CHD8: variants seen among roughly 807,000 people sequenced by gnomAD.
CHD8 encodes ATP-dependent chromatin remodeler CHD8.
A neutral mutation model predicts 279.2 loss-of-function variants in CHD8; 31 were observed. That is an observed-to-expected ratio of 0.11 (90% CI 0.08 to 0.15). The LOEUF (loss-of-function observed/expected upper bound fraction) is 0.15. CHD8 is among the 10% of genes least tolerant of loss of function. The probability of loss-of-function intolerance (pLI) is 1.00; values close to 1 mark genes in which losing one functional copy is unlikely to be tolerated. For synonymous variants in CHD8, 1,081 were observed against 1,139.6 expected, an observed-to-expected ratio of 0.95 and a Z score of 1.04; for missense variants, 2,146 against 3,230.5, an observed-to-expected ratio of 0.66 and a Z score of 8.14.
intron 33 of CHD8, 31 bp downstream of exon 33, chr14:21,393,075 C>T (rs758559976): frequency 1.2e-6 from 2 of 1,606,680 alleles, no homozygotes; most frequent in Admixed American, 1.7e-5. Flanking sequence ...TTTCTGGACT[C>T]TACATGTCCA....
At chr14:21,448,815 G>A (rs1395802685) in intron 1 of CHD8, among the ~76,000 whole-genome samples, 3 of 149,826 alleles carry the variant, frequency 2.0e-5, no homozygotes, top group African/African-American at 4.9e-5. Flanking sequence ...CACCCGCCTC[G>A]CCCTCCCAAA....
At chr14:21,434,338 G>A (rs1390580296) in intron 1 of CHD8, among the ~76,000 whole-genome samples, 3 of 152,244 alleles carry the variant, frequency 2.0e-5, no homozygotes, top group South Asian at 4.1e-4. Context: ...GAGCCACCAC[G>A]CTGAAAGTTT....
Position 21,390,956 on chromosome 14 carries a change from A to G in CHD8, c.7173T>C (p.Asn2391=). The G allele has an allele frequency of 6.3e-7, 1 of 1,579,130 alleles. No individual in the cohort carries two copies. The highest frequency in any genetic ancestry group is 8.7e-7 in the Non-Finnish European group (1 of 1,154,016). ...MEPVQTANSR[N]GKKGHHTETV... ...CTGCAATTTCTCTCACCTTTTTCCC[A>G]TTTCTAGAGTTAGCTGTCTGTACTG... The change falls in exon 37 of 38, where the codon AAT becomes AAC. Residue 2391 remains asparagine, a synonymous_variant. Transcript: ENST00000646647.
At chr14:21,435,971 G>A (rs1208895704) in intron 1 of CHD8, among the ~76,000 whole-genome samples, 1 of 152,204 alleles carries the variant, frequency 6.6e-6, no homozygotes, top group Non-Finnish European at 1.5e-5. Context: ...CACTGCAAGA[G>A]ATTAGTTCTG....
chr14:21,438,512 TAAAAAAA>T (rs559681631), intron 1 of CHD8, among the ~76,000 whole-genome samples: 2 of 112,508 alleles, frequency 1.8e-5, no homozygotes, highest in African/African-American at 6.9e-5. Context: ...CCTAGTCTCT[TAAAAAAA>T]AAAAAAAAAA....
At chr14:21,387,296 G>C (rs1402381488) in intron 37 of CHD8, among the ~76,000 whole-genome samples, 2 of 150,728 alleles carry the variant, frequency 1.3e-5, no homozygotes, top group African/African-American at 4.9e-5. Flanking sequence ...GACCACCCTG[G>C]CCAACATAGC....
intron 37 of CHD8, among the ~76,000 whole-genome samples, chr14:21,388,744 A>G (rs1887393474): frequency 6.6e-6 from 1 of 152,020 alleles, no homozygotes; most frequent in Non-Finnish European, 1.5e-5. Context: ...TCAGCCTCCC[A>G]AAGTGCTGGG....
rs1282548443 is a variant in CHD8 at position 21,400,713 on chromosome 14, A to C, written c.4371-101T>G. Reference sequence around the variant, plus strand: ...AAGGTGTGAAACAAAGATCTTAAAAAACATGGTAACAGAATAAACAGAACA... The same window carrying C: ...AAGGTGTGAAACAAAGATCTTAAAACACATGGTAACAGAATAAACAGAACA... On this transcript the variant is annotated intron_variant, in intron 22 of 37. Coordinates refer to ENST00000646647, the MANE Select transcript of CHD8 (RefSeq NM_001170629.2). The surrounding 1 kb of genome is among the most constrained non-coding windows in gnomAD (Gnocchi z 4.2). The C allele has an allele frequency of 1.5e-6, 2 of 1,298,332 alleles. No individual in the cohort carries two copies. The highest frequency in any genetic ancestry group is 2.1e-6 in the Non-Finnish European group (2 of 959,636). The allele number at this position is 1,298,332 out of a possible 1,614,324, so 80.4% of individuals were successfully genotyped here.
At position 21,428,951 on chromosome 14, in the gene CHD8, G is replaced by A; in HGVS notation, c.1215+13C>T. On this transcript the variant is annotated intron_variant, in intron 3 of 37. Coordinates refer to ENST00000646647, the MANE Select transcript of CHD8 (RefSeq NM_001170629.2). The stretch of plus-strand genomic sequence containing the variant: ...TTGTTTTCTTTCTTTTCCTTACTAT[G>A]TAAGTCTCTCACCTGTGGCTGCAGT... The A allele has an allele frequency of 1.2e-6, 2 of 1,613,648 alleles. No individual in the cohort carries two copies. The highest frequency in any genetic ancestry group is 2.2e-5 in the East Asian group (1 of 44,884).
At chr14:21,387,706 T>C (rs1887324223) in intron 37 of CHD8, among the ~76,000 whole-genome samples, 1 of 147,778 alleles carries the variant, frequency 6.8e-6, no homozygotes, top group Non-Finnish European at 1.5e-5. Context: ...CTCAGGAGGC[T>C]GAGGCAGGAG....
chr14:21,423,270 T>C (rs1181956084), intron 5 of CHD8, among the ~76,000 whole-genome samples: 2 of 152,122 alleles, frequency 1.3e-5, no homozygotes, highest in Non-Finnish European at 2.9e-5. Flanking sequence ...TTCTAAAGGC[T>C]GGTAAGTCCA....
At chr14:21,453,692 T>C (rs2139578656) in intron 1 of CHD8, among the ~76,000 whole-genome samples, 1 of 151,930 alleles carries the variant, frequency 6.6e-6, no homozygotes, top group African/African-American at 2.4e-5. Flanking sequence ...TCCCAAGTAT[T>C]AGGCTCAATG....
In CHD8 at chr14:21,385,879, G is replaced by A; in HGVS notation, c.7480C>T (p.His2494Tyr). The change falls in exon 38 of 38, where the codon CAC (histidine) becomes TAC (tyrosine). Residue 2494 changes from histidine to tyrosine, a missense_variant. Physicochemically the swap from His to Tyr is moderately conservative, Grantham distance 83 (BLOSUM62 2). Coordinates refer to ENST00000646647, the MANE Select transcript of CHD8 (RefSeq NM_001170629.2). ...TGGGGGTGGGGGTGGTGGTGGTGGT[G>A]ATGAAGCATGGTGCTGGAGTCTACA... ...PHVDSSTMLH[H>Y]HHHHPHPHHH... The A allele has an allele frequency of 6.4e-7, 1 of 1,550,940 alleles. No individual in the cohort carries two copies. The highest frequency in any genetic ancestry group is 8.7e-7 in the Non-Finnish European group (1 of 1,147,016).
chr14:21,422,015 T>C (rs993769764), intron 5 of CHD8, among the ~76,000 whole-genome samples: 1 of 152,142 alleles, frequency 6.6e-6, no homozygotes, highest in African/African-American at 2.4e-5. Flanking sequence ...GACCATTTGA[T>C]CTTGGATTTC....
At position 21,393,673 on chromosome 14, in the gene CHD8, T is replaced by C. The variant is rs1887646970; in HGVS notation, c.6122A>G (p.Tyr2041Cys). 3 of 1,613,970 alleles carry C rather than the reference T, an allele frequency of 1.9e-6. No individual in the cohort carries two copies. Among genetic ancestry groups the C allele is most frequent in the Non-Finnish European group, 2.5e-6 (3 of 1,179,874 alleles). ...ATCAGAGGGGGATACTCGCATCTCA[T>C]AGTCTTGTGGGGTTGGTCGGCTCCT... Reference protein sequence around the residue: ...VARSRPTPQDYEMRVSPSDTT... With the variant: ...VARSRPTPQDCEMRVSPSDTT... Residue 2041 changes from tyrosine to cysteine, a missense_variant, in exon 32 of 38, where the codon TAT becomes TGT. By Grantham distance (194) the Tyr-to-Cys change is radical. Around this residue, in one of 26 missense-constraint regions of CHD8, gnomAD observed 513 missense variants for 637.6 expected, o/e 0.80. Transcript: ENST00000646647.
chr14:21,440,813 G>A (rs980318438), intron 1 of CHD8, among the ~76,000 whole-genome samples: 3 of 152,276 alleles, frequency 2.0e-5, no homozygotes, highest in East Asian at 1.9e-4. Context: ...ATGGAATAAC[G>A]TAATCAGAAT....
intron 37 of CHD8, 33 bp downstream of exon 37, chr14:21,390,914 G>T (rs745540739): frequency 9.9e-7 from 1 of 1,008,874 alleles, no homozygotes; most frequent in Non-Finnish European, 1.5e-6. Context: ...ATCTAGTGTG[G>T]GAATAGAGTG....
chr14:21,444,256 T>C (rs1407242144), intron 1 of CHD8, among the ~76,000 whole-genome samples: 1 of 152,214 alleles, frequency 6.6e-6, no homozygotes, highest in Non-Finnish European at 1.5e-5. Flanking sequence ...ACAAATGTTG[T>C]TGGATAAATT....
intron 14 of CHD8, 33 bp downstream of exon 14, chr14:21,406,823 G>C (rs534859771): frequency 6.4e-7 from 1 of 1,570,838 alleles, no homozygotes; most frequent in South Asian, 1.2e-5. Flanking sequence ...TTTATTCCAG[G>C]TGTTTCTGCT....
Sources: allele counts gnomAD v4.1 joint callset (sites outside exome capture counted in the v4.1 genomes callset), GRCh38; gene constraint gnomAD v4.1.1; regional missense constraint gnomAD v4.1.1; non-coding constraint Gnocchi (gnomAD v3.1); transcripts MANE v1.5; gene names NCBI Gene and HGNC (gene_info 2026-07-23, HGNC 2026-07-21).